Variants in CAPSL observed in about 807,000 individuals in gnomAD.
CAPSL encodes the protein calcyphosine like, also known as calcyphosin-like protein.
CAPSL carries 17 observed loss-of-function variants against 21.3 expected under a neutral mutation model. The observed-to-expected ratio is 0.80, with a 90% confidence interval of 0.55 to 1.20. CAPSL has a LOEUF of 1.20. Among genes scored for constraint, CAPSL ranks in the 50% most tolerant of loss-of-function variants. CAPSL has a pLI of 0.00. For missense variants in CAPSL, 289 were observed against 259.3 expected, an observed-to-expected ratio of 1.11 and a Z score of -0.79; for synonymous variants, 102 against 89.3, an observed-to-expected ratio of 1.14 and a Z score of -0.80.
At chr5:35,910,831 A>AT (rs1738202205) in intron 2 of CAPSL, among the ~76,000 whole-genome samples, 1 of 152,188 alleles carries the variant, frequency 6.6e-6, no homozygotes. Flanking sequence ...GAAACATGGG[A>AT]TTTTTAGGTC....
chr5:35,914,619 T>C (rs1444295621), intron 2 of CAPSL, among the ~76,000 whole-genome samples: 1 of 151,946 alleles, frequency 6.6e-6, no homozygotes, highest in Non-Finnish European at 1.5e-5. Flanking sequence ...ACTGGGTACA[T>C]AACGAAATGA....
At chr5:35,922,831 G>C (rs1738573146) in intron 1 of CAPSL, among the ~76,000 whole-genome samples, 1 of 152,076 alleles carries the variant, frequency 6.6e-6, no homozygotes, top group East Asian at 1.9e-4. Flanking sequence ...AGCACTAACT[G>C]TCCCCTTATT....
rs1264485632 is a variant in CAPSL at position 35,909,985 on chromosome 5, G to A, written c.406C>T (p.Leu136Phe). ...TGDGVITIEDLREVYNAKHHP... is the reference protein window; with the variant it reads ...TGDGVITIEDFREVYNAKHHP... ...TGTTTTGCATTATATACTTCACGAA[G>A]GTCTTCGATTGTTATAACACCATCT... Residue 136 changes from leucine to phenylalanine, a missense_variant, in exon 4 of 5, where the codon CTT becomes TTT. Transcript: ENST00000651391. The A allele has an allele frequency of 6.2e-7, 1 of 1,613,580 alleles. No individual in the cohort carries two copies. The highest frequency in any genetic ancestry group is 8.5e-7 in the Non-Finnish European group (1 of 1,179,868).
In CAPSL at chr5:35,910,412, T is replaced by C. The variant is rs1580880284; in HGVS notation, c.269A>G (p.Asp90Gly). The C allele has an allele frequency of 2.5e-6, 4 of 1,614,002 alleles. No homozygotes were observed. The highest frequency in any genetic ancestry group is 2.2e-5 in the East Asian group (1 of 44,864). ...ATTGAAGTCTATTGTTCCATTTCCA[T>C]CTTTATCAAACCTCCGGAAAAGTTC... ...VEELFRRFDKDGNGTIDFNEF... is the reference protein window; with the variant it reads ...VEELFRRFDKGGNGTIDFNEF... Residue 90 changes from aspartate to glycine, a missense_variant, in exon 3 of 5, where the codon GAT becomes GGT. Coordinates refer to ENST00000651391, the MANE Select transcript of CAPSL (RefSeq NM_001042625.2).
intron 2 of CAPSL, among the ~76,000 whole-genome samples, chr5:35,911,943 G>A (rs745524330): frequency 1.3e-5 from 2 of 152,162 alleles, no homozygotes; most frequent in Non-Finnish European, 2.9e-5. Flanking sequence ...CAAGGGGTCA[G>A]GGAATTCCCT....
At chr5:35,920,281 A>T (rs911582563) in intron 2 of CAPSL, among the ~76,000 whole-genome samples, 1 of 152,150 alleles carries the variant, frequency 6.6e-6, no homozygotes, top group Non-Finnish European at 1.5e-5. Context: ...CATATTGTCC[A>T]TAGTCTTAGT....
intron 2 of CAPSL, among the ~76,000 whole-genome samples, chr5:35,914,645 T>C (rs1203751228): frequency 6.6e-6 from 1 of 152,058 alleles, no homozygotes; most frequent in Non-Finnish European, 1.5e-5. Context: ...GAAATAAAGA[T>C]GTTCTTTGAA....
chr5:35,912,432 C>A (rs1423748364), intron 2 of CAPSL, among the ~76,000 whole-genome samples: 3 of 152,186 alleles, frequency 2.0e-5, no homozygotes. Flanking sequence ...TCCCTGACCC[C>A]CGAGTAGCCT....
At chr5:35,925,885 T>C (rs543403269) in intron 1 of CAPSL, among the ~76,000 whole-genome samples, 8 of 152,172 alleles carry the variant, frequency 5.3e-5, no homozygotes, top group Non-Finnish European at 1.2e-4. Context: ...AAGACCAGCC[T>C]GGCCAACATG....
At chr5:35,923,997 C>T (rs1561441698) in intron 1 of CAPSL, among the ~76,000 whole-genome samples, 1 of 150,696 alleles carries the variant, frequency 6.6e-6, no homozygotes, top group Admixed American at 6.6e-5. Flanking sequence ...AAAGTAAATA[C>T]ATACAACTTT....
chr5:35,914,914 T>A (rs2149921141), intron 2 of CAPSL, among the ~76,000 whole-genome samples: 1 of 152,204 alleles, frequency 6.6e-6, no homozygotes, highest in East Asian at 1.9e-4. Flanking sequence ...AATCATTAAA[T>A]CCAGGAGCTG....
intron 1 of CAPSL, among the ~76,000 whole-genome samples, chr5:35,925,041 A>G (rs972919529): frequency 1.3e-5 from 2 of 152,248 alleles, no homozygotes; most frequent in African/African-American, 4.8e-5. Context: ...ATCCCTGTGC[A>G]AGGCGAAGAG....
Position 35,921,100 on chromosome 5 carries a change from A to G in CAPSL, c.21T>C (p.His7=). The G allele has an allele frequency of 6.2e-7, 1 of 1,614,012 alleles. No individual in the cohort carries two copies. The highest frequency in any genetic ancestry group is 8.5e-7 in the Non-Finnish European group (1 of 1,180,016). The change falls in exon 2 of 5, where the codon CAT becomes CAC. Residue 7 remains histidine (H), a synonymous_variant. Coordinates refer to ENST00000651391, the MANE Select transcript of CAPSL (RefSeq NM_001042625.2). ...TGGCCTGGATCGCCATCTCTCGGTC[A>G]TGGCGCGCTGTCCCTGCCATCTGAG... The part of the protein sequence containing the change: MAGTAR[H]DREMAIQAKK...
At chr5:35,910,590 G>A (rs944993624) in intron 2 of CAPSL, 47 bp from the exon 3 acceptor site, 4 of 1,355,408 alleles carry the variant, frequency 3.0e-6, no homozygotes, top group Non-Finnish European at 4.1e-6. Flanking sequence ...ACAAATAACA[G>A]GTGTAAGTGT....
chr5:35,904,638 A>AG lies in CAPSL; in HGVS notation c.533dup (p.Glu179Ter). ...CTGCATAGTAGTTCATGAACTCCTC[A>AG]GGGGTCACCTGCAGTGGAAAAGTTA... On this transcript the variant is annotated frameshift_variant, in exon 5 of 5. Transcript: ENST00000651391. LOFTEE classifies it high-confidence loss of function. 6.2e-7 allele frequency: 1 copy of AG among 1,601,652 alleles called. No individual in the cohort carries two copies. Among genetic ancestry groups the AG allele is most frequent in the Non-Finnish European group, 8.5e-7 (1 of 1,173,172 alleles).
At chr5:35,907,065 T>C (rs77771961) in intron 4 of CAPSL, among the ~76,000 whole-genome samples, 1,737 of 152,272 alleles carry the variant, frequency 0.011, 35 homozygotes, top group African/African-American at 0.04. Context: ...ATAATCACTA[T>C]CCTTATTCAT....
chr5:35,908,440 G>A (rs1738095827), intron 4 of CAPSL, among the ~76,000 whole-genome samples: 1 of 152,158 alleles, frequency 6.6e-6, no homozygotes, highest in East Asian at 1.9e-4. Flanking sequence ...TATCAAAAGG[G>A]GTGATGTGCA....
intron 1 of CAPSL, among the ~76,000 whole-genome samples, chr5:35,923,766 T>C (rs1738598634): frequency 6.6e-6 from 1 of 152,072 alleles, no homozygotes; most frequent in African/African-American, 2.4e-5. Context: ...CAGTGGGGAG[T>C]GACTGCTTAA....
chr5:35,919,073 C>CA (rs1395826049), intron 2 of CAPSL, among the ~76,000 whole-genome samples: 3,238 of 145,712 alleles, frequency 0.022, 112 homozygotes, highest in African/African-American at 0.077. Context: ...AAACAAAAAA[C>CA]AAAAAAAATG....
Sources: allele counts gnomAD v4.1 joint callset (sites outside exome capture counted in the v4.1 genomes callset), GRCh38; gene constraint gnomAD v4.1.1; transcripts MANE v1.5; gene names NCBI Gene and HGNC (gene_info 2026-07-23, HGNC 2026-07-21).